NHSL2: variants seen among roughly 807,000 people sequenced by gnomAD.
NHSL2 encodes the protein NHS like 2, also known as NHS-like protein 2.
Under a neutral mutation model 53.4 loss-of-function variants are expected in NHSL2, and 27 were observed. The observed-to-expected ratio is 0.51, with a 90% CI of 0.37 to 0.70. The LOEUF (loss-of-function observed/expected upper bound fraction) is 0.70. Among genes scored for constraint, NHSL2 ranks in the 30% least tolerant of loss-of-function variants. The pLI is 0.00. For missense variants in NHSL2, 892 were observed against 980.1 expected (o/e 0.91, Z 1.20); for synonymous variants, 408 against 404.1 (o/e 1.01, Z -0.12).
chrX:71,941,002 T>C (rs2041762999), intron 1 of NHSL2, among the ~76,000 whole-genome samples: 1 of 111,641 alleles, frequency 9.0e-6, no homozygotes, highest in African/African-American at 3.3e-5. Context: ...GGATGGGCAA[T>C]GGAGTAAGAA....
rs2042394560 is a variant in NHSL2, at chrX:72,139,671, T to G, written c.2123T>G (p.Leu708Arg). 1 of 1,209,077 alleles carries G rather than the reference T, an allele frequency of 8.3e-7. No homozygotes were observed. Among genetic ancestry groups the G allele is most frequent in the Non-Finnish European group, 1.1e-6 (1 of 894,860 alleles). The change falls in exon 6 of 8, where the codon CTG becomes CGG. Residue 708 changes from leucine to arginine, a missense_variant. Transcript: ENST00000633930. ...TCATCCCCGGGAAGGCCCCCTGGAC[T>G]GATGTCACCCTCCAGTGGCTACTCC... ...EISSPGRPPG[L>R]MSPSSGYSSQ...
At chrX:71,920,093 C>G (rs2041649650) in intron 1 of NHSL2, among the ~76,000 whole-genome samples, 1 of 112,322 alleles carries the variant, frequency 8.9e-6, no homozygotes, top group Non-Finnish European at 1.9e-5. Flanking sequence ...ATGCCTAACT[C>G]TCACCAGCGT....
chrX:72,134,560 G>C lies in NHSL2; in HGVS notation c.616G>C (p.Ala206Pro). The change falls in exon 4 of 8, where the codon GCC becomes CCC. Residue 206 changes from alanine to proline, a missense_variant. Ala to Pro is a conservative substitution (Grantham distance 27, BLOSUM62 -1). Coordinates refer to ENST00000633930, the MANE Select transcript of NHSL2 (RefSeq NM_001013627.3). Reference protein sequence around the residue: ...EDETTTQGVRAPEASLSLSTT... With the variant: ...EDETTTQGVRPPEASLSLSTT... ...TGAGACTACCACCCAGGGTGTGAGG[G>C]CCCCCGAGGCCTCCCTGAGCCTGTC... The C allele has an allele frequency of 1.0e-5, 12 of 1,166,053 alleles. No homozygotes were observed. The highest frequency in any genetic ancestry group is 1.4e-5 in the Non-Finnish European group (12 of 871,152).
At chrX:72,141,893 CCCACT>C (rs1171684254) in intron 6 of NHSL2, among the ~76,000 whole-genome samples, 1 of 111,977 alleles carries the variant, frequency 8.9e-6, no homozygotes, top group Non-Finnish European at 1.9e-5. Context: ...TCCACTCTCA[CCCACT>C]GGGTGGGAGT....
At chrX:71,921,589 A>G (rs1383153625) in intron 1 of NHSL2, among the ~76,000 whole-genome samples, 2 of 111,813 alleles carry the variant, frequency 1.8e-5, no homozygotes, top group Non-Finnish European at 3.8e-5. Context: ...TTAAACAAGA[A>G]TAGCATTTTT....
rs1602412425 is a variant in NHSL2, at chrX:72,151,176, A to C, written c.*7602A>C. 1 of 108,029 alleles carries C rather than the reference A, an allele frequency of 9.3e-6. No homozygotes were observed. Among genetic ancestry groups the C allele is most frequent in the Admixed American group, 9.9e-5 (1 of 10,140 alleles). The allele number at this position is 108,029 out of a possible 1,213,427, so 8.9% of individuals were successfully genotyped here. On this transcript the variant is annotated 3_prime_UTR_variant, in exon 8 of 8. Transcript: ENST00000633930. Reference sequence around the variant, plus strand: ...ACTATAGGTGCGTGCCACCATGCCCAGCTAATATTTTTTTTTTTTTTGTAT... The same window carrying C: ...ACTATAGGTGCGTGCCACCATGCCCCGCTAATATTTTTTTTTTTTTTGTAT...
At chrX:72,089,411 T>C (rs2041877585) in intron 1 of NHSL2, among the ~76,000 whole-genome samples, 1 of 111,409 alleles carries the variant, frequency 9.0e-6, no homozygotes, top group South Asian at 3.7e-4. Flanking sequence ...GTCCCTGGGG[T>C]ACTCACTCGC....
intron 1 of NHSL2, among the ~76,000 whole-genome samples, chrX:71,945,478 C>T (rs1182676389): frequency 1.8e-5 from 2 of 111,661 alleles, no homozygotes; most frequent in Non-Finnish European, 3.8e-5. Context: ...TGTGCTCCTG[C>T]GTCCCCCCAC....
chrX:72,075,351 C>G (rs2041732228), intron 1 of NHSL2, among the ~76,000 whole-genome samples: 1 of 112,200 alleles, frequency 8.9e-6, no homozygotes, highest in Admixed American at 9.4e-5. Flanking sequence ...TGCTTTGAAA[C>G]AAGAGTGTTA....
intron 1 of NHSL2, among the ~76,000 whole-genome samples, chrX:72,042,156 C>G (rs959673095): frequency 1.1e-4 from 12 of 112,705 alleles, no homozygotes; most frequent in African/African-American, 3.9e-4. Flanking sequence ...ATGAAGCCAC[C>G]CTCTCAGGCC....
intron 1 of NHSL2, among the ~76,000 whole-genome samples, chrX:72,109,641 G>C (rs1056647998): frequency 2.7e-5 from 3 of 111,348 alleles, no homozygotes; most frequent in South Asian, 3.8e-4. Context: ...GCTAATTTTT[G>C]TATTTTTAGT....
Position 72,031,412 on chromosome X carries a change from C to T in NHSL2, c.281-100667C>T, listed in dbSNP as rs141606288. Among the ~76,000 whole-genome samples the T allele has an allele frequency of 4.9e-3, 545 of 112,101 alleles. 3 individuals carry two copies. The highest frequency in any genetic ancestry group is 6.4e-3 in the Non-Finnish European group (340 of 53,212). ...GAGTAATTGTAGTACCTACCTTACA[C>T]AGCTATTGTGAGTATTAAATGAGCT... On this transcript the variant is annotated intron_variant, in intron 1 of 7. Coordinates refer to ENST00000633930, the MANE Select transcript of NHSL2 (RefSeq NM_001013627.3).
chrX:72,104,237 T>C (rs1475207158), intron 1 of NHSL2, among the ~76,000 whole-genome samples: 1 of 108,392 alleles, frequency 9.2e-6, no homozygotes, highest in East Asian at 2.9e-4. Flanking sequence ...TGGCAGTCAC[T>C]GGACCCGCCA....
At chrX:71,959,760 A>T (rs755177742) in intron 1 of NHSL2, among the ~76,000 whole-genome samples, 6 of 111,883 alleles carry the variant, frequency 5.4e-5, no homozygotes. Context: ...TACTTAACAT[A>T]CGGTTTTTTG....
intron 1 of NHSL2, among the ~76,000 whole-genome samples, chrX:72,124,997 TG>T (rs1256035735): frequency 8.9e-6 from 1 of 112,015 alleles, no homozygotes; most frequent in Non-Finnish European, 1.9e-5. Context: ...AGGTGGGCCC[TG>T]CCCATCTCAA....
At chrX:72,106,271 C>G (rs1304074520) in intron 1 of NHSL2, among the ~76,000 whole-genome samples, 1 of 111,074 alleles carries the variant, frequency 9.0e-6, no homozygotes, top group Non-Finnish European at 1.9e-5. Context: ...CACACACACA[C>G]ACATACACAC....
chrX:71,957,601 G>T (rs1347292760), intron 1 of NHSL2, among the ~76,000 whole-genome samples: 1 of 111,384 alleles, frequency 9.0e-6, no homozygotes, highest in Non-Finnish European at 1.9e-5. Flanking sequence ...AGGGGGGCCA[G>T]TTACTTTCCC....
chrX:71,915,733 C>T (rs901813501), intron 1 of NHSL2, among the ~76,000 whole-genome samples: 1 of 111,829 alleles, frequency 8.9e-6, no homozygotes, highest in Admixed American at 9.5e-5. Context: ...GAGGCCTCCA[C>T]CTAGAAGCCA....
chrX:72,151,609 C>T lies in NHSL2; in HGVS notation c.*8035C>T, dbSNP rs2042514361. On this transcript the variant is annotated 3_prime_UTR_variant, in exon 8 of 8. Transcript: ENST00000633930. ...CTGACTACCTCAGTGTAGAAACCCT[C>T]ATTTTTTTCCCCAGACCTATCCTTG... 1 of 112,018 alleles carries T rather than the reference C, an allele frequency of 8.9e-6. No homozygotes were observed. Among genetic ancestry groups the T allele is most frequent in the Non-Finnish European group, 1.9e-5 (1 of 53,194 alleles). 9.2% of individuals were successfully genotyped at this position (112,018 alleles called of 1,213,427 possible). A position where few individuals can be genotyped will look rare whatever the true frequency, so the allele number is the denominator to read the frequency against.
Sources: gnomAD v4.1 joint callset for allele counts (sites outside exome capture counted in the v4.1 genomes callset) on GRCh38, gnomAD v4.1.1 for gene constraint, MANE v1.5 for transcripts, NCBI Gene and HGNC (gene_info 2026-07-23, HGNC 2026-07-21) for gene names.